Variants in RBFOX1 observed in about 807,000 individuals in gnomAD.
RBFOX1 encodes RNA binding fox-1 homolog 1, also known as RNA binding protein fox-1 homolog 1.
RBFOX1 carries 8 observed loss-of-function variants against 57.7 expected under a neutral mutation model. That is an observed-to-expected ratio of 0.14 (90% confidence interval 0.08 to 0.25). The LOEUF is 0.25. RBFOX1 is among the 10% of genes least tolerant of loss of function. RBFOX1 has a pLI of 1.00. For synonymous variants in RBFOX1, 326 were observed against 222.4 expected, an observed-to-expected ratio of 1.47 and a Z score of -4.15; for missense variants, 611 against 548.5, an observed-to-expected ratio of 1.11 and a Z score of -1.14.
intron 1 of RBFOX1, among the ~76,000 whole-genome samples, chr16:6,300,447 A>G: frequency 6.6e-6 from 1 of 152,306 alleles, no homozygotes; most frequent in East Asian, 1.9e-4. Context: ...AATTTTTGTC[A>G]ACTTAAAGAA....
chr16:6,946,710 C>G (rs62017722), intron 3 of RBFOX1, among the ~76,000 whole-genome samples: 1 of 151,924 alleles, frequency 6.6e-6, no homozygotes, highest in South Asian at 2.1e-4. Flanking sequence ...TCAAGTGATC[C>G]TCTTGCCTGA....
chr16:6,286,171 G>T (rs1270323071), intron 1 of RBFOX1, among the ~76,000 whole-genome samples: 1 of 152,094 alleles, frequency 6.6e-6, no homozygotes, highest in Non-Finnish European at 1.5e-5. Flanking sequence ...CAGTGGGAGA[G>T]CTCGACTGAC....
At chr16:6,753,383 A>G (rs1447255254) in intron 3 of RBFOX1, among the ~76,000 whole-genome samples, 1 of 152,224 alleles carries the variant, frequency 6.6e-6, no homozygotes, top group Non-Finnish European at 1.5e-5. Flanking sequence ...TATAGTCAAC[A>G]CATAGACTGA....
intron 3 of RBFOX1, among the ~76,000 whole-genome samples, chr16:6,759,454 T>G (rs1313216192): frequency 6.6e-6 from 1 of 151,202 alleles, no homozygotes; most frequent in East Asian, 1.9e-4. Context: ...CCAACTTCAT[T>G]TCTTGATATG....
intron 4 of RBFOX1, among the ~76,000 whole-genome samples, chr16:7,181,906 C>G (rs1001995289): frequency 2.0e-5 from 3 of 151,972 alleles, no homozygotes; most frequent in Non-Finnish European, 2.9e-5. Flanking sequence ...GTGGTTCTTA[C>G]GTAATTTCTA....
intron 2 of RBFOX1, among the ~76,000 whole-genome samples, chr16:5,569,706 G>A (rs1017135452): frequency 6.6e-6 from 1 of 151,960 alleles, no homozygotes; most frequent in African/African-American, 2.4e-5. Context: ...GTAGAGTGGG[G>A]AGTATTCAGT....
intron 4 of RBFOX1, among the ~76,000 whole-genome samples, chr16:5,927,790 T>C (rs996924995): frequency 2.6e-5 from 4 of 152,320 alleles, no homozygotes; most frequent in African/African-American, 9.6e-5. Flanking sequence ...ATTTCTGTTA[T>C]TTGTGACAAA....
At chr16:5,987,655 A>T (rs2060308684) in intron 4 of RBFOX1, among the ~76,000 whole-genome samples, 1 of 152,134 alleles carries the variant, frequency 6.6e-6, no homozygotes, top group Non-Finnish European at 1.5e-5. Flanking sequence ...GGGCACTATC[A>T]TCATTCCTAT....
intron 4 of RBFOX1, among the ~76,000 whole-genome samples, chr16:7,054,143 C>T (rs2051100047): frequency 7.4e-6 from 1 of 135,722 alleles, no homozygotes; most frequent in African/African-American, 2.9e-5. Flanking sequence ...TTTCCTTTCA[C>T]ACCTGTGTCT....
intron 14 of RBFOX1, among the ~76,000 whole-genome samples, chr16:7,707,621 T>A (rs1470380112): frequency 2.0e-5 from 3 of 152,054 alleles, no homozygotes; most frequent in African/African-American, 7.2e-5. Flanking sequence ...GCTGTTCCCT[T>A]CTCCAGAAAA....
chr16:7,305,702 C>G (rs1269224120), intron 4 of RBFOX1, among the ~76,000 whole-genome samples: 1 of 152,072 alleles, frequency 6.6e-6, no homozygotes, highest in African/African-American at 2.4e-5. Flanking sequence ...GATTTTCTAT[C>G]AAGTTGGTTG....
chr16:5,428,372 T>A (rs1314981693), intron 1 of RBFOX1, among the ~76,000 whole-genome samples: 2 of 152,100 alleles, frequency 1.3e-5, no homozygotes, highest in East Asian at 3.9e-4. Context: ...ATTTTTTAAG[T>A]AGGAGGCGTC....
At chr16:5,470,759 C>G (rs1024321709) in intron 2 of RBFOX1, among the ~76,000 whole-genome samples, 1 of 152,168 alleles carries the variant, frequency 6.6e-6, no homozygotes. Flanking sequence ...GGTCTGTCCG[C>G]CTCTGCAGCC....
chr16:6,736,751 T>C (rs1161125579), intron 3 of RBFOX1, among the ~76,000 whole-genome samples: 4 of 152,216 alleles, frequency 2.6e-5, no homozygotes, highest in South Asian at 2.1e-4. Flanking sequence ...AAAACCAGTT[T>C]AGAAGGACAG....
intron 4 of RBFOX1, among the ~76,000 whole-genome samples, chr16:7,479,887 A>G (rs2063527564): frequency 6.6e-6 from 1 of 152,168 alleles, no homozygotes; most frequent in African/African-American, 2.4e-5. Context: ...CTTAAATGTG[A>G]GTTTTTATCG....
Position 6,931,192 on chromosome 16 carries a change from G to A in RBFOX1, c.-15-120865G>A, listed in dbSNP as rs140116785. Among the ~76,000 whole-genome samples the A allele has an allele frequency of 5.6e-3, 843 of 151,632 alleles. 4 individuals carry two copies. The highest frequency in any genetic ancestry group is 0.017 in the Middle Eastern group (5 of 292). The stretch of plus-strand genomic sequence containing the variant: ...ACTAGTAATGCGCTGTGTAGATATG[G>A]CATAATATTTTTAACCTCTTCTCTC... On this transcript the variant is annotated intron_variant, in intron 3 of 15. Transcript: ENST00000550418.
intron 3 of RBFOX1, among the ~76,000 whole-genome samples, chr16:6,937,664 C>A (rs56196475): frequency 0.11 from 16,957 of 151,974 alleles, 1,168 homozygotes; most frequent in East Asian, 0.16. Context: ...GGGTATGGTG[C>A]GATGGGCTTC....
In RBFOX1 at chr16:6,457,439, C is replaced by A. The variant is rs1310078620; in HGVS notation, c.-64+140382C>A. Among the ~76,000 whole-genome samples the A allele has an allele frequency of 1.5e-4, 5 of 34,028 alleles. No homozygotes were observed. The East Asian group carries it at 9.7e-3, about 66-fold the overall frequency. 22.3% of individuals were successfully genotyped at this position (34,028 alleles called of 152,430 possible). A position where few individuals can be genotyped will look rare whatever the true frequency, so the allele number is the denominator to read the frequency against. The stretch of plus-strand genomic sequence containing the variant: ...CTGGTGACTGTGAATTTCCGGAAGT[C>A]CCCCCCCCCGCAATAGCTTTGATTT... On this transcript the variant is annotated intron_variant, in intron 2 of 15. Transcript: ENST00000550418.
intron 4 of RBFOX1, among the ~76,000 whole-genome samples, chr16:7,359,615 C>G (rs73549018): frequency 6.6e-6 from 1 of 152,134 alleles, no homozygotes; most frequent in Non-Finnish European, 1.5e-5. Flanking sequence ...GTTTGCTTCC[C>G]CTGTCCACAA....
Sources: gnomAD v4.1 joint callset for allele counts (sites outside exome capture counted in the v4.1 genomes callset) on GRCh38, gnomAD v4.1.1 for gene constraint, MANE v1.5 for transcripts, NCBI Gene and HGNC (gene_info 2026-07-23, HGNC 2026-07-21) for gene names.